Variants in ARHGAP10 observed in about 807,000 individuals in gnomAD.
ARHGAP10 encodes the protein Rho GTPase activating protein 10, also known as rho GTPase-activating protein 10.
ARHGAP10 carries 87 observed loss-of-function variants against 108.6 expected under a neutral mutation model. The observed-to-expected ratio is 0.80, with a 90% CI of 0.67 to 0.96. The LOEUF is 0.96. Ranked by LOEUF, ARHGAP10 falls within the 40% of genes least tolerant of loss-of-function variation. ARHGAP10 has a pLI of 0.00. For missense variants in ARHGAP10, 939 were observed against 954.5 expected, an observed-to-expected ratio of 0.98 and a Z score of 0.21; for synonymous variants, 347 against 341.1, an observed-to-expected ratio of 1.02 and a Z score of -0.19.
rs11420720 is a variant in ARHGAP10 at position 147,742,476 on chromosome 4, C to CTTTTT, written c.154+10041_154+10045dup. ...TTACAGGAGAAATAGTCTGTGAACA[C>CTTTTT]TTTTTTTTTTTTTTTTTTTTTTTTG... On this transcript the variant is annotated intron_variant, in intron 1 of 22. Transcript: ENST00000336498. Among the ~76,000 whole-genome samples, 43 of 86,528 alleles carry CTTTTT rather than the reference C, an allele frequency of 5.0e-4. 3 individuals carry two copies. The highest frequency in any genetic ancestry group is 7.5e-4 in the Admixed American group (4 of 5,334). The allele number at this position is 86,528 out of a possible 152,430, so 56.8% of individuals were successfully genotyped here. A position where few individuals can be genotyped will look rare whatever the true frequency, so the allele number is the denominator to read the frequency against.
chr4:147,947,428 G>A (rs915204416), intron 15 of ARHGAP10, among the ~76,000 whole-genome samples: 2 of 150,636 alleles, frequency 1.3e-5, no homozygotes, highest in Non-Finnish European at 3.0e-5. Flanking sequence ...TTAAGATGAA[G>A]TCTCGCTCTT....
intron 20 of ARHGAP10, among the ~76,000 whole-genome samples, chr4:148,059,360 G>A (rs777362182): frequency 3.3e-5 from 5 of 152,026 alleles, no homozygotes; most frequent in Non-Finnish European, 7.4e-5. Context: ...GTACTTTTTT[G>A]TACTTGGTCA....
chr4:147,869,071 T>G (rs933690019), intron 7 of ARHGAP10, among the ~76,000 whole-genome samples: 25 of 152,222 alleles, frequency 1.6e-4, no homozygotes, highest in African/African-American at 5.5e-4. Flanking sequence ...CAGGCAGGAC[T>G]GTATATACAA....
At chr4:147,798,722 A>T (rs6811180) in intron 1 of ARHGAP10, among the ~76,000 whole-genome samples, 1 of 107,438 alleles carries the variant, frequency 9.3e-6, no homozygotes, top group East Asian at 2.8e-4. Context: ...GGAGTTTGAG[A>T]CACTCTCTCT....
intron 17 of ARHGAP10, among the ~76,000 whole-genome samples, chr4:147,966,367 C>G (rs1739200720): frequency 6.6e-6 from 1 of 152,132 alleles, no homozygotes; most frequent in Admixed American, 6.6e-5. Context: ...TTAGAACTTG[C>G]ACATCTGCAG....
chr4:147,848,552 T>C (rs1462342946), intron 4 of ARHGAP10, among the ~76,000 whole-genome samples: 1 of 152,234 alleles, frequency 6.6e-6, no homozygotes, highest in Non-Finnish European at 1.5e-5. Flanking sequence ...TTTGATTGTG[T>C]CTCTTTAAGC....
chr4:148,046,283 G>A (rs548063207), intron 19 of ARHGAP10, among the ~76,000 whole-genome samples: 2 of 152,242 alleles, frequency 1.3e-5, no homozygotes, highest in African/African-American at 4.8e-5. Flanking sequence ...AAAAAATTTA[G>A]CTTTGGTTTA....
chr4:147,994,817 T>A (rs1040191048), intron 18 of ARHGAP10, among the ~76,000 whole-genome samples: 3 of 152,228 alleles, frequency 2.0e-5, no homozygotes, highest in Non-Finnish European at 4.4e-5. Context: ...CATTTATGTT[T>A]AGGTGGAAAT....
At chr4:147,938,307 C>T (rs995557198) in intron 13 of ARHGAP10, among the ~76,000 whole-genome samples, 4 of 151,892 alleles carry the variant, frequency 2.6e-5, no homozygotes, top group African/African-American at 9.7e-5. Flanking sequence ...ACAACAAATG[C>T]CATGACACAG....
chr4:147,849,821 CCTAT>C lies in ARHGAP10; in HGVS notation c.384+2602_384+2605del, dbSNP rs780800360. On this transcript the variant is annotated intron_variant, in intron 4 of 22. Transcript: ENST00000336498. ...ATATTTGGATATGCTCTCCTTGAGC[CCTAT>C]CTGTTTGGTTTGGACGTATCCCTCC... is the stretch of plus-strand genomic sequence containing the variant. Among the ~76,000 whole-genome samples the C allele has an allele frequency of 5.9e-5, 9 of 152,248 alleles. 1 individual carries two copies. The East Asian group carries it at 1.2e-3, about 20-fold the overall frequency.
At chr4:147,763,587 G>C (rs972441971) in intron 1 of ARHGAP10, among the ~76,000 whole-genome samples, 7 of 152,088 alleles carry the variant, frequency 4.6e-5, no homozygotes, top group Non-Finnish European at 7.4e-5. Context: ...TGGGATTACA[G>C]GTGTGAGCCA....
At chr4:147,760,297 C>T (rs548964174) in intron 1 of ARHGAP10, among the ~76,000 whole-genome samples, 16 of 152,290 alleles carry the variant, frequency 1.1e-4, no homozygotes, top group African/African-American at 3.1e-4. Context: ...GAGGTAAGTG[C>T]GTCGGGTTAC....
intron 13 of ARHGAP10, among the ~76,000 whole-genome samples, chr4:147,936,294 G>A (rs1578708756): frequency 6.7e-6 from 1 of 150,250 alleles, no homozygotes; most frequent in African/African-American, 2.4e-5. Flanking sequence ...TCCTGGCAGG[G>A]CTGTGCGGCC....
chr4:147,905,769 G>T (rs1305056872), intron 10 of ARHGAP10, among the ~76,000 whole-genome samples: 3 of 150,544 alleles, frequency 2.0e-5, no homozygotes, highest in Non-Finnish European at 4.4e-5. Flanking sequence ...GTTCTGTGAA[G>T]AAAGTCATTG....
chr4:147,839,018 C>T (rs539048788), intron 3 of ARHGAP10, among the ~76,000 whole-genome samples: 43 of 152,256 alleles, frequency 2.8e-4, no homozygotes, highest in Middle Eastern at 3.4e-3. Flanking sequence ...CTTAAGAACT[C>T]TTACACGAGG....
chr4:147,750,758 C>T (rs1238514772), intron 1 of ARHGAP10, among the ~76,000 whole-genome samples: 4 of 151,792 alleles, frequency 2.6e-5, no homozygotes, highest in South Asian at 2.1e-4. Flanking sequence ...CGCACCACCA[C>T]GCCTGGCTAA....
chr4:147,734,995 G>C (rs887484843), intron 1 of ARHGAP10, among the ~76,000 whole-genome samples: 1 of 152,120 alleles, frequency 6.6e-6, no homozygotes, highest in African/African-American at 2.4e-5. Flanking sequence ...GGTGTCTCCT[G>C]TTTGCATTAC....
chr4:147,976,868 A>G (rs895381572), intron 18 of ARHGAP10, among the ~76,000 whole-genome samples: 4 of 152,250 alleles, frequency 2.6e-5, no homozygotes, highest in Admixed American at 6.5e-5. Flanking sequence ...AAGGGCTCCA[A>G]TATAAAGTGT....
At chr4:147,899,877 T>G (rs62857260) in intron 10 of ARHGAP10, among the ~76,000 whole-genome samples, 2 of 11,260 alleles carry the variant, frequency 1.8e-4, no homozygotes, top group East Asian at 4.8e-3. Context: ...ACGTGCTGGG[T>G]TTTTTTTTTT....
Sources: gnomAD v4.1 joint callset for allele counts (sites outside exome capture counted in the v4.1 genomes callset) on GRCh38, gnomAD v4.1.1 for gene constraint, MANE v1.5 for transcripts, NCBI Gene and HGNC (gene_info 2026-07-23, HGNC 2026-07-21) for gene names.